ABCA1: variants seen among roughly 807,000 people sequenced by gnomAD.
ABCA1 encodes the protein ATP binding cassette subfamily A member 1, also known as phospholipid-transporting ATPase ABCA1.
In ABCA1, 133 loss-of-function variants were observed where a neutral mutation model predicts 262.5. That is an observed-to-expected ratio of 0.51 (90% CI 0.44 to 0.59). The LOEUF (loss-of-function observed/expected upper bound fraction) is 0.59, where lower values mean the gene tolerates loss of function less well. Ranked by LOEUF, ABCA1 falls within the 20% of genes least tolerant of loss-of-function variation. The pLI, the probability that ABCA1 is intolerant of heterozygous loss-of-function variation, is 0.00. For synonymous variants in ABCA1, 1,022 were observed against 1,043.5 expected (o/e 0.98, Z 0.40); for missense variants, 2,452 against 2,777.5 (o/e 0.88, Z 2.63).
chr9:104,837,977 T>C (rs551632437), intron 9 of ABCA1, among the ~76,000 whole-genome samples: 5 of 152,176 alleles, frequency 3.3e-5, no homozygotes, highest in Admixed American at 2.0e-4. Flanking sequence ...ACATTTAAAC[T>C]GACTCTTGAG....
chr9:104,826,571 T>A (rs1374202212), intron 16 of ABCA1, among the ~76,000 whole-genome samples: 1 of 152,174 alleles, frequency 6.6e-6, no homozygotes, highest in African/African-American at 2.4e-5. Context: ...AGTTTTCAGT[T>A]CTATTTGTGG....
intron 5 of ABCA1, among the ~76,000 whole-genome samples, chr9:104,867,650 A>C (rs1837217024): frequency 6.6e-6 from 1 of 152,230 alleles, no homozygotes; most frequent in Non-Finnish European, 1.5e-5. Context: ...GAAAGGTTGA[A>C]GCTGACTGAT....
intron 2 of ABCA1, among the ~76,000 whole-genome samples, chr9:104,891,871 A>G (rs183095975): frequency 1.1e-4 from 17 of 148,540 alleles, no homozygotes; most frequent in African/African-American, 4.0e-4. Context: ...AGGCTGAGGC[A>G]GGAGAATCAC....
rs1833472395 is a variant in ABCA1 at position 104,832,906 on chromosome 9, C to T, written c.1312-135G>A. The T allele has an allele frequency of 6.1e-6, 5 of 818,010 alleles. No individual in the cohort carries two copies. In the African/African-American group the frequency reaches 6.8e-5, roughly 11 times the overall value. 50.7% of individuals were successfully genotyped at this position (818,010 alleles called of 1,614,324 possible). On this transcript the variant is annotated intron_variant, in intron 11 of 49. Coordinates refer to ENST00000374736, the MANE Select transcript of ABCA1 (RefSeq NM_005502.4). Reference sequence around the variant, plus strand: ...GAAAACTGAGGTAAATGACAGTGTCCCTATTTTATATGTGAGAAGACTGAG... The same window carrying T: ...GAAAACTGAGGTAAATGACAGTGTCTCTATTTTATATGTGAGAAGACTGAG...
chr9:104,863,915 C>T (rs755193534), intron 5 of ABCA1, among the ~76,000 whole-genome samples: 1 of 152,222 alleles, frequency 6.6e-6, no homozygotes, highest in Non-Finnish European at 1.5e-5. Flanking sequence ...TGCGAAAATG[C>T]AGTTTCTTGG....
chr9:104,907,614 A>G (rs986049909), intron 1 of ABCA1, among the ~76,000 whole-genome samples: 3 of 152,244 alleles, frequency 2.0e-5, no homozygotes, highest in Admixed American at 6.5e-5. Context: ...TTATCCCCAA[A>G]GAGGGAGCTC....
intron 39 of ABCA1, 106 bp downstream of exon 39, chr9:104,795,944 TCAG>T (rs1246554701): frequency 6.8e-7 from 1 of 1,465,326 alleles, no homozygotes; most frequent in Non-Finnish European, 9.5e-7. Flanking sequence ...GACAAGGCAG[TCAG>T]CAGTGTCAAT....
chr9:104,891,619 C>T lies in ABCA1; in HGVS notation c.67-2424G>A, dbSNP rs980519055. On this transcript the variant is annotated intron_variant, in intron 2 of 49. Transcript: ENST00000374736. ...ACGCCACTGCATGATCAGAGTGAGA[C>T]TGGGCAGAAGGAAATACAGCAAGAT... Among the ~76,000 whole-genome samples, 4 of 151,496 alleles carry T rather than the reference C, an allele frequency of 2.6e-5. No homozygotes were observed. The South Asian group carries it at 8.4e-4, about 32-fold the overall frequency.
rs1831214341 is a variant in ABCA1, at chr9:104,810,847, G to T, written c.4128C>A (p.Ser1376Arg). 6.2e-7 allele frequency: 1 copy of T among 1,614,102 alleles called. No individual in the cohort carries two copies. The highest frequency in any genetic ancestry group is 1.7e-5 in the Admixed American group (1 of 60,010). The change falls in exon 29 of 50, where the codon AGC becomes AGA. Residue 1376 changes from serine to arginine, a missense_variant. Physicochemically the swap from Ser to Arg is moderately radical, Grantham distance 110. This residue lies in a region of ABCA1 where 665 missense variants were observed against 727.3 expected (regional missense o/e 0.91). Transcript: ENST00000374736. ...TGTACATCCAGGGCTGAAGTTCCAG[G>T]CTGGGGTACTTGCCAAAGGGTGGCA... Reference protein sequence around the residue: ...LIVPPFGKYPSLELQPWMYNE... With the variant: ...LIVPPFGKYPRLELQPWMYNE...
In ABCA1 at chr9:104,888,711, G is replaced by A. The variant is rs189190280; in HGVS notation, c.160+391C>T. ...TAAAACTGAGAAGTTCTACACAAAT[G>A]CTGCTTAAAATTCTGTGTTCCATGA... On this transcript the variant is annotated intron_variant, in intron 3 of 49. Coordinates refer to ENST00000374736, the MANE Select transcript of ABCA1 (RefSeq NM_005502.4). 2.4e-3 allele frequency among the ~76,000 whole-genome samples: 372 copies of A among 152,314 alleles called. 2 individuals are homozygous for A. Among genetic ancestry groups the A allele is most frequent in the South Asian group, 0.019 (91 of 4,828 alleles).
Position 104,810,882 on chromosome 9 carries a change from T to C in ABCA1, c.4093A>G (p.Ser1365Gly), listed in dbSNP as rs774676144. The change falls in exon 29 of 50, where the codon AGC (serine) becomes GGC (glycine). Residue 1365 changes from serine (S) to glycine (G), a missense_variant. Coordinates refer to ENST00000374736, the MANE Select transcript of ABCA1 (RefSeq NM_005502.4). Reference sequence around the variant, plus strand: ...TTGCCAAAGGGTGGCACGATCAGGCTGAACACAAGGGCAATGCAGACAAAC... The same window carrying C: ...TTGCCAAAGGGTGGCACGATCAGGCCGAACACAAGGGCAATGCAGACAAAC... Reference protein sequence around the residue: ...AVFVCIALVFSLIVPPFGKYP... With the variant: ...AVFVCIALVFGLIVPPFGKYP... The C allele has an allele frequency of 6.2e-7, 1 of 1,614,210 alleles. No individual in the cohort carries two copies. The highest frequency in any genetic ancestry group is 8.5e-7 in the Non-Finnish European group (1 of 1,180,044).
At chr9:104,826,836 G>A in intron 16 of ABCA1, 112 bp downstream of exon 16, 1 of 984,224 alleles carries the variant, frequency 1.0e-6, no homozygotes, top group Non-Finnish European at 1.6e-6. Flanking sequence ...TAAGGTTCAT[G>A]TCCCATTGGA....
intron 5 of ABCA1, among the ~76,000 whole-genome samples, chr9:104,864,695 A>G (rs904284426): frequency 3.9e-5 from 6 of 152,062 alleles, no homozygotes; most frequent in African/African-American, 1.2e-4. Context: ...GCAATACATC[A>G]TATTGCACCA....
At chr9:104,785,076 G>T (rs1180064690) in intron 49 of ABCA1, among the ~76,000 whole-genome samples, 2 of 152,168 alleles carry the variant, frequency 1.3e-5, no homozygotes, top group Non-Finnish European at 2.9e-5. Flanking sequence ...TTAAGTGTCA[G>T]GACCTATTTG....
intron 6 of ABCA1, 84 bp from the exon 7 acceptor site, chr9:104,858,782 T>C: frequency 7.5e-7 from 1 of 1,342,006 alleles, no homozygotes; most frequent in Non-Finnish European, 1.1e-6. Context: ...TTTGGAGAAC[T>C]TCATATCAAT....
intron 25 of ABCA1, among the ~76,000 whole-genome samples, chr9:104,814,950 G>A (rs553909314): frequency 6.6e-6 from 1 of 152,034 alleles, no homozygotes; most frequent in Non-Finnish European, 1.5e-5. Context: ...AGCCAAAATC[G>A]CACCACTGCA....
Position 104,812,598 on chromosome 9 carries a change from CCGTCTGG to C in ABCA1, c.4019_4025del (p.Ala1340GlyfsTer25). 1 of 1,614,196 alleles carries C rather than the reference CCGTCTGG, an allele frequency of 6.2e-7. No individual in the cohort carries two copies. The highest frequency in any genetic ancestry group is 8.5e-7 in the Non-Finnish European group (1 of 1,180,026). ...CCTGAGCAAAAAATCCTTTCCGACT[CCGTCTGG>C]CAATTAGCAGTCTCTTCCACAAAAG... On this transcript the variant is annotated frameshift_variant, in exon 28 of 50. Coordinates refer to ENST00000374736, the MANE Select transcript of ABCA1 (RefSeq NM_005502.4). LOFTEE classifies it high-confidence loss of function.
At chr9:104,868,846 G>A (rs143780508) in intron 5 of ABCA1, among the ~76,000 whole-genome samples, 278 of 152,292 alleles carry the variant, frequency 1.8e-3, no homozygotes, top group African/African-American at 6.5e-3. Flanking sequence ...CCAGGTCCAG[G>A]CCTCTGGGAC....
intron 19 of ABCA1, 31 bp downstream of exon 19, chr9:104,822,465 T>C: frequency 6.2e-7 from 1 of 1,612,214 alleles, no homozygotes; most frequent in Non-Finnish European, 8.5e-7. Context: ...CTCCTGTGGC[T>C]GATTCTGCGG....
Sources: allele counts gnomAD v4.1 joint callset (sites outside exome capture counted in the v4.1 genomes callset), GRCh38; gene constraint gnomAD v4.1.1; regional missense constraint gnomAD v4.1.1; transcripts MANE v1.5; gene names NCBI Gene and HGNC (gene_info 2026-07-23, HGNC 2026-07-21).